DYNC1I1: variants seen among roughly 807,000 people sequenced by gnomAD.
The protein encoded by DYNC1I1 is cytoplasmic dynein 1 intermediate chain 1.
DYNC1I1 carries 43 observed loss-of-function variants against 86.6 expected under a neutral mutation model. That is an observed-to-expected ratio of 0.50 (90% confidence interval 0.39 to 0.64). The LOEUF is 0.64. DYNC1I1 is among the 30% of genes least tolerant of loss of function. The probability of loss-of-function intolerance (pLI) is 0.00; values close to 1 mark genes in which losing one functional copy is unlikely to be tolerated. For synonymous variants in DYNC1I1, 262 were observed against 283.7 expected, an observed-to-expected ratio of 0.92 and a Z score of 0.77; for missense variants, 604 against 788.8, an observed-to-expected ratio of 0.77 and a Z score of 2.81.
intron 6 of DYNC1I1, among the ~76,000 whole-genome samples, chr7:95,886,982 A>G (rs1260894018): frequency 6.6e-6 from 1 of 152,328 alleles, no homozygotes; most frequent in South Asian, 2.1e-4. Context: ...TCAGTGAGAC[A>G]GCCCTGATCA....
At position 96,107,539 on chromosome 7, in the gene DYNC1I1, T is replaced by C. The variant is rs920569376; in HGVS notation, c.1543-2440T>C. Among the ~76,000 whole-genome samples the C allele has an allele frequency of 7.9e-5, 12 of 151,894 alleles. 1 individual carries two copies. Among genetic ancestry groups the C allele is most frequent in the Middle Eastern group, 3.4e-3 (1 of 294 alleles). On this transcript the variant is annotated intron_variant, in intron 16 of 16. Coordinates refer to the DYNC1I1 transcript ENST00000537881. The stretch of plus-strand genomic sequence containing the variant: ...GGGGATATCGTAATTTCTTCTTTTT[T>C]TTTTTTTTTTGAAATAGAGTCTTGC...
chr7:96,059,006 AAAT>A (rs1243957479), intron 14 of DYNC1I1, among the ~76,000 whole-genome samples: 1 of 152,074 alleles, frequency 6.6e-6, no homozygotes, highest in Non-Finnish European at 1.5e-5. Flanking sequence ...CCAAACTGAC[AAAT>A]ACTAAATGAA....
At chr7:95,776,716 A>G (rs139824358) in intron 1 of DYNC1I1, among the ~76,000 whole-genome samples, 1 of 152,340 alleles carries the variant, frequency 6.6e-6, no homozygotes, top group Non-Finnish European at 1.5e-5. Flanking sequence ...CCAGGAGTCC[A>G]GGTGGCAGGT....
At chr7:96,048,043 C>A (rs1181860296) in intron 14 of DYNC1I1, among the ~76,000 whole-genome samples, 2 of 151,848 alleles carry the variant, frequency 1.3e-5, no homozygotes, top group East Asian at 3.9e-4. Context: ...AGAAGGTCCC[C>A]CATTTCTTCG....
At chr7:95,799,231 T>G (rs1179786711) in intron 1 of DYNC1I1, among the ~76,000 whole-genome samples, 2 of 151,914 alleles carry the variant, frequency 1.3e-5, no homozygotes, top group African/African-American at 2.4e-5. Flanking sequence ...ATACAAAAAT[T>G]AGCCGGGCCC....
intron 14 of DYNC1I1, among the ~76,000 whole-genome samples, chr7:96,057,107 C>T (rs1439587188): frequency 6.6e-6 from 1 of 152,146 alleles, no homozygotes; most frequent in Non-Finnish European, 1.5e-5. Flanking sequence ...TGTGGTGCTC[C>T]TGGGTGTAGG....
intron 7 of DYNC1I1, among the ~76,000 whole-genome samples, chr7:95,983,568 G>A (rs112965223): frequency 6.6e-6 from 1 of 152,146 alleles, no homozygotes; most frequent in African/African-American, 2.4e-5. Flanking sequence ...CCACTGCCAT[G>A]ACTTGACTCT....
chr7:95,874,090 G>A (rs1484389241), intron 6 of DYNC1I1, among the ~76,000 whole-genome samples: 2 of 152,186 alleles, frequency 1.3e-5, no homozygotes, highest in Non-Finnish European at 2.9e-5. Flanking sequence ...TCATCCTAGT[G>A]TCTTTAAATT....
At chr7:95,865,046 C>T (rs1415593250) in intron 5 of DYNC1I1, among the ~76,000 whole-genome samples, 3 of 152,096 alleles carry the variant, frequency 2.0e-5, no homozygotes, top group Admixed American at 6.5e-5. Context: ...ATTTCTGACT[C>T]AGTGGGTTGG....
chr7:95,945,737 G>A (rs1286801413), intron 6 of DYNC1I1, among the ~76,000 whole-genome samples: 2 of 152,116 alleles, frequency 1.3e-5, no homozygotes, highest in African/African-American at 4.8e-5. Flanking sequence ...TAATGAGGTG[G>A]ATGTTTATTT....
At chr7:96,097,090 A>G (rs1280374596) in intron 16 of DYNC1I1, among the ~76,000 whole-genome samples, 2 of 152,172 alleles carry the variant, frequency 1.3e-5, no homozygotes, top group South Asian at 2.1e-4. Flanking sequence ...ACCATTGACT[A>G]GGAATAAAAT....
At chr7:95,780,077 A>G (rs1184126104) in intron 1 of DYNC1I1, among the ~76,000 whole-genome samples, 1 of 152,206 alleles carries the variant, frequency 6.6e-6, no homozygotes, top group Non-Finnish European at 1.5e-5. Context: ...TGAGCAGTCC[A>G]GTACATTGGC....
intron 16 of DYNC1I1, among the ~76,000 whole-genome samples, chr7:96,093,679 T>C (rs1318584864): frequency 6.6e-6 from 1 of 152,140 alleles, no homozygotes; most frequent in African/African-American, 2.4e-5. Flanking sequence ...TAACCTATGA[T>C]GCAGACTTCA....
intron 1 of DYNC1I1, among the ~76,000 whole-genome samples, chr7:95,779,851 C>T (rs1793940727): frequency 6.6e-6 from 1 of 152,120 alleles, no homozygotes; most frequent in Non-Finnish European, 1.5e-5. Context: ...TGTCTGTGCC[C>T]AAGATGAATG....
intron 1 of DYNC1I1, chr7:95,804,477 A>G: frequency 1.1e-6 from 1 of 916,720 alleles, no homozygotes; most frequent in Non-Finnish European, 1.5e-6. Context: ...TAGGCCACAT[A>G]ATAACCTTGT....
chr7:95,897,948 C>T (rs1794926559), intron 6 of DYNC1I1, among the ~76,000 whole-genome samples: 1 of 152,150 alleles, frequency 6.6e-6, no homozygotes. Context: ...CTTCCTGTCA[C>T]TATAATTGAT....
Position 95,890,722 on chromosome 7 carries a change from A to G in DYNC1I1, c.490+20724A>G, listed in dbSNP as rs1437641525. On this transcript the variant is annotated intron_variant, in intron 6 of 16. Transcript: ENST00000447467. ...TCACCAGAAAGGTATGTTAATAAAA[A>G]TTAGGTTGCTCAGCCCCCACCCTCA... Among the ~76,000 whole-genome samples, 4 of 152,230 alleles carry G rather than the reference A, an allele frequency of 2.6e-5. No homozygotes were observed. The South Asian group carries it at 6.2e-4, about 24-fold the overall frequency.
At chr7:95,984,049 G>A (rs1562963107) in intron 7 of DYNC1I1, among the ~76,000 whole-genome samples, 1 of 152,118 alleles carries the variant, frequency 6.6e-6, no homozygotes, top group Non-Finnish European at 1.5e-5. Context: ...ACCAAATGGT[G>A]ACTCTAAGGT....
intron 6 of DYNC1I1, among the ~76,000 whole-genome samples, chr7:95,877,878 C>G (rs1267126669): frequency 1.3e-5 from 2 of 152,202 alleles, no homozygotes; most frequent in African/African-American, 2.4e-5. Context: ...ATTAGTGAAA[C>G]TGAGCAGTTG....
Sources: allele counts gnomAD v4.1 joint callset (sites outside exome capture counted in the v4.1 genomes callset), GRCh38; gene constraint gnomAD v4.1.1; transcripts MANE v1.5; gene names NCBI Gene and HGNC (gene_info 2026-07-23, HGNC 2026-07-21).